Variants in ZNF501 observed in about 807,000 individuals in gnomAD.
The protein encoded by ZNF501 is zinc finger protein 52.
A neutral mutation model predicts 5.7 loss-of-function variants in ZNF501; 7 were observed. That is an observed-to-expected ratio of 1.24 (90% confidence interval 0.70 to 2.32). The LOEUF is 2.32. ZNF501 is among the 30% of genes most tolerant of loss of function. ZNF501 has a pLI of 0.00. For synonymous variants in ZNF501, 107 were observed against 101.9 expected (o/e 1.05, Z -0.30); for missense variants, 352 against 321.1 (o/e 1.10, Z -0.73).
At chr3:44,732,420 G>T (rs574727606) in intron 2 of ZNF501, among the ~76,000 whole-genome samples, 8 of 152,326 alleles carry the variant, frequency 5.3e-5, no homozygotes, top group African/African-American at 1.9e-4. Context: ...ACATCTGGTT[G>T]CTTAAACCAA....
In ZNF501 at chr3:44,734,890, T is replaced by G. The variant is rs776992185; in HGVS notation, c.469T>G (p.Ser157Ala). 1 of 1,613,844 alleles carries G rather than the reference T, an allele frequency of 6.2e-7. No homozygotes were observed. Among genetic ancestry groups the G allele is most frequent in the Non-Finnish European group, 8.5e-7 (1 of 1,179,982 alleles). ...ICLTRHQRSH[S>A]GDKPFKCNEC... ...CCTTACTCGTCATCAGAGAAGTCATTCTGGAGATAAACCTTTTAAGTGTAA... is the reference window on the plus strand; with the variant it reads ...CCTTACTCGTCATCAGAGAAGTCATGCTGGAGATAAACCTTTTAAGTGTAA... Residue 157 changes from serine to alanine, a missense_variant, in exon 3 of 3, where the codon TCT becomes GCT. Ser to Ala is a moderately conservative substitution (Grantham distance 99). Transcript: ENST00000620116.
At position 44,734,505 on chromosome 3, in the gene ZNF501, G is replaced by C. The variant is rs72874044; in HGVS notation, c.84G>C (p.Gly28=). ...AACCTTCAAAGTGTAGTGAATGTGG[G>C]AAGTTCTTTACTCAGAGATCATCTC... ...QKKPSKCSEC[G]KFFTQRSSLT... Residue 28 remains glycine (G), a synonymous_variant, in exon 3 of 3, where the codon GGG becomes GGC. Coordinates refer to ENST00000620116, the MANE Select transcript of ZNF501 (RefSeq NM_001258280.2). 13 of 1,614,066 alleles carry C rather than the reference G, an allele frequency of 8.1e-6. No homozygotes were observed. The highest frequency in any genetic ancestry group is 1.0e-5 in the Non-Finnish European group (12 of 1,180,024).
At position 44,734,788 on chromosome 3, in the gene ZNF501, A is replaced by C; in HGVS notation, c.367A>C (p.Lys123Gln). 6.2e-7 allele frequency: 1 copy of C among 1,613,984 alleles called. No homozygotes were observed. Among genetic ancestry groups the C allele is most frequent in the Admixed American group, 1.7e-5 (1 of 60,008 alleles). ...CTTTTGTCAGAGCCCATCCCTTATTAAACACCAGCGAATTCATACTGGAGA... is the reference window on the plus strand; with the variant it reads ...CTTTTGTCAGAGCCCATCCCTTATTCAACACCAGCGAATTCATACTGGAGA... ...KAFCQSPSLI[K>Q]HQRIHTGEKP... Residue 123 changes from lysine (K) to glutamine (Q), a missense_variant, in exon 3 of 3, where the codon AAA (lysine) becomes CAA (glutamine). Coordinates refer to ENST00000620116, the MANE Select transcript of ZNF501 (RefSeq NM_001258280.2).
In ZNF501 at chr3:44,734,653, T is replaced by C. The variant is rs375343793; in HGVS notation, c.232T>C (p.Tyr78His). 207 of 1,614,036 alleles carry C rather than the reference T, an allele frequency of 1.3e-4. No individual in the cohort carries two copies. The highest frequency in any genetic ancestry group is 1.6e-4 in the Non-Finnish European group (187 of 1,180,024). The change falls in exon 3 of 3, where the codon TAT (tyrosine) becomes CAT (histidine). Residue 78 changes from tyrosine to histidine, a missense_variant. By Grantham distance (83) the Tyr-to-His change is moderately conservative. Coordinates refer to ENST00000620116, the MANE Select transcript of ZNF501 (RefSeq NM_001258280.2). ...HLRIHTGEKPYKCNECEKAFQ... is the reference protein window; with the variant it reads ...HLRIHTGEKPHKCNECEKAFQ... ...GAGAATTCATACCGGAGAGAAACCT[T>C]ATAAATGTAATGAATGTGAGAAAGC...
At chr3:44,730,942 A>G (rs1174572085) in intron 1 of ZNF501, among the ~76,000 whole-genome samples, 1 of 152,248 alleles carries the variant, frequency 6.6e-6, no homozygotes, top group East Asian at 1.9e-4. Flanking sequence ...ATCTGTATAT[A>G]GAATCAAAGC....
rs1320271709 is a variant in ZNF501, at chr3:44,735,445, T to C, written c.*208T>C. 2.4e-6 allele frequency: 1 copy of C among 420,396 alleles called. No homozygotes were observed. Among genetic ancestry groups the C allele is most frequent in the African/African-American group, 2.0e-5 (1 of 49,780 alleles). 26.0% of individuals were successfully genotyped at this position (420,396 alleles called of 1,614,324 possible). ...TAACCTTATCCCTTCTGAGCCTCAG[T>C]TTCCCCATTCCCCCCAATAGAAAAA... On this transcript the variant is annotated 3_prime_UTR_variant, in exon 3 of 3. Coordinates refer to ENST00000620116, the MANE Select transcript of ZNF501 (RefSeq NM_001258280.2).
At chr3:44,730,537 C>T (rs903825112) in intron 1 of ZNF501, among the ~76,000 whole-genome samples, 5 of 152,190 alleles carry the variant, frequency 3.3e-5, no homozygotes, top group African/African-American at 1.2e-4. Context: ...ATAAAAGAGA[C>T]GTTTGAAAAT....
intron 2 of ZNF501, among the ~76,000 whole-genome samples, chr3:44,732,512 C>G (rs1162021250): frequency 6.6e-6 from 1 of 152,190 alleles, no homozygotes; most frequent in Non-Finnish European, 1.5e-5. Flanking sequence ...AGATAGTCCA[C>G]ATATTTAACA....
In ZNF501 at chr3:44,735,161, A is replaced by G. The variant is rs1423267924; in HGVS notation, c.740A>G (p.Glu247Gly). Reference protein sequence around the residue: ...YRIHTGEKPYECVGCGKSFRH... With the variant: ...YRIHTGEKPYGCVGCGKSFRH... ...ATTCATACTGGAGAAAAACCTTATGAGTGTGTTGGATGTGGGAAATCCTTT... is the reference window on the plus strand; with the variant it reads ...ATTCATACTGGAGAAAAACCTTATGGGTGTGTTGGATGTGGGAAATCCTTT... Residue 247 changes from glutamate to glycine, a missense_variant, in exon 3 of 3, where the codon GAG becomes GGG. Coordinates refer to ENST00000620116, the MANE Select transcript of ZNF501 (RefSeq NM_001258280.2). 1 of 1,613,242 alleles carries G rather than the reference A, an allele frequency of 6.2e-7. No individual in the cohort carries two copies. The highest frequency in any genetic ancestry group is 1.3e-5 in the African/African-American group (1 of 74,902).
rs1704671793 is a variant in ZNF501 at position 44,734,943 on chromosome 3, T to C, written c.522T>C (p.Ser174=). The part of the protein sequence containing the change: ...CNECGKAFNQ[S]ACLMQHQRIH... ...AATGTGGGAAAGCCTTTAATCAGAG[T>C]GCATGTCTCATGCAGCATCAGAGAA... The change falls in exon 3 of 3, where the codon AGT becomes AGC. Residue 174 remains serine, a synonymous_variant. Coordinates refer to ENST00000620116, the MANE Select transcript of ZNF501 (RefSeq NM_001258280.2). 1.2e-6 allele frequency: 2 copies of C among 1,613,938 alleles called. No individual in the cohort carries two copies. The highest frequency in any genetic ancestry group is 4.5e-5 in the East Asian group (2 of 44,858).
intron 2 of ZNF501, chr3:44,732,386 A>G (rs1704627930): frequency 6.6e-6 from 1 of 152,222 alleles, no homozygotes; most frequent in African/African-American, 2.4e-5. Flanking sequence ...AAGGAATTAA[A>G]AATGTGCTTA....
Position 44,735,234 on chromosome 3 carries a change from G to T in ZNF501, c.813G>T (p.Glu271Asp), listed in dbSNP as rs201277677. 3 of 1,541,754 alleles carry T rather than the reference G, an allele frequency of 1.9e-6. No homozygotes were observed. The East Asian group carries it at 6.8e-5, about 35-fold the overall frequency. Residue 271 changes from glutamate to aspartate, a missense_variant, in exon 3 of 3, where the codon GAG (glutamate) becomes GAT (aspartate). Transcript: ENST00000620116. ...GACATCAGAGGCTTCATGCTGGAGA[G>T]TAAAATTTGGAATATAATGAGTATG... Reference protein sequence around the residue: ...LLRHQRLHAGE With the variant: ...LLRHQRLHAGD
intron 2 of ZNF501, among the ~76,000 whole-genome samples, chr3:44,733,746 G>T (rs1194153655): frequency 6.6e-6 from 1 of 152,182 alleles, no homozygotes; most frequent in African/African-American, 2.4e-5. Context: ...TAGGTTTCCA[G>T]TTGGGCCTAG....
chr3:44,734,732 A>C lies in ZNF501; in HGVS notation c.311A>C (p.Lys104Thr). 1 of 1,614,148 alleles carries C rather than the reference A, an allele frequency of 6.2e-7. No individual in the cohort carries two copies. Among genetic ancestry groups the C allele is most frequent in the East Asian group, 2.2e-5 (1 of 44,876 alleles). The part of the protein sequence containing the change: ...VQHLRIHTGE[K>T]PYKCNECGKA... Reference sequence around the variant, plus strand: ...CATCTGAGAATTCATACTGGAGAGAAACCCTATAAATGCAATGAATGTGGA... The same window carrying C: ...CATCTGAGAATTCATACTGGAGAGACACCCTATAAATGCAATGAATGTGGA... The change falls in exon 3 of 3, where the codon AAA becomes ACA. Residue 104 changes from lysine to threonine, a missense_variant. By Grantham distance (78) the Lys-to-Thr change is moderately conservative. Transcript: ENST00000620116.
At chr3:44,732,770 G>A (rs752309891) in intron 2 of ZNF501, among the ~76,000 whole-genome samples, 4 of 152,084 alleles carry the variant, frequency 2.6e-5, no homozygotes, top group Non-Finnish European at 4.4e-5. Flanking sequence ...AAGGAATGAA[G>A]GAAGATACTT....
intron 2 of ZNF501, among the ~76,000 whole-genome samples, chr3:44,733,935 G>T (rs1400644109): frequency 2.0e-5 from 3 of 152,162 alleles, no homozygotes; most frequent in African/African-American, 7.2e-5. Flanking sequence ...CATGATTATA[G>T]GTAACCTAAA....
chr3:44,735,024 G>T lies in ZNF501; in HGVS notation c.603G>T (p.Gln201His), dbSNP rs1704673511. 1 of 1,614,174 alleles carries T rather than the reference G, an allele frequency of 6.2e-7. No individual in the cohort carries two copies. Among genetic ancestry groups the T allele is most frequent in the African/African-American group, 1.3e-5 (1 of 75,052 alleles). The change falls in exon 3 of 3, where the codon CAG becomes CAT. Residue 201 changes from glutamine to histidine, a missense_variant. Coordinates refer to ENST00000620116, the MANE Select transcript of ZNF501 (RefSeq NM_001258280.2). ...CTGAATGTGGTAAAGCCTTCACTCA[G>T]AACTCTTCCCTTGTTGAACATGAAA... ...TCTECGKAFT[Q>H]NSSLVEHERT...
chr3:44,733,693 TCTTA>T (rs1704649701), intron 2 of ZNF501, among the ~76,000 whole-genome samples: 1 of 152,232 alleles, frequency 6.6e-6, no homozygotes, highest in Non-Finnish European at 1.5e-5. Flanking sequence ...AACAGTGATA[TCTTA>T]CTTTCTTTCA....
rs760387064 is a variant in ZNF501, at chr3:44,735,149, A to G, written c.728A>G (p.Glu243Gly). The change falls in exon 3 of 3, where the codon GAA (glutamate) becomes GGA (glycine). Residue 243 changes from glutamate (E) to glycine (G), a missense_variant. Glu to Gly is a moderately conservative substitution (Grantham distance 98, BLOSUM62 -2). Coordinates refer to ENST00000620116, the MANE Select transcript of ZNF501 (RefSeq NM_001258280.2). The stretch of plus-strand genomic sequence containing the variant: ...GAGCATTACAGAATTCATACTGGAG[A>G]AAAACCTTATGAGTGTGTTGGATGT... ...LSEHYRIHTG[E>G]KPYECVGCGK... 1 of 1,614,002 alleles carries G rather than the reference A, an allele frequency of 6.2e-7. No individual in the cohort carries two copies. Among genetic ancestry groups the G allele is most frequent in the South Asian group, 1.1e-5 (1 of 91,064 alleles).
Sources: allele counts gnomAD v4.1 joint callset (sites outside exome capture counted in the v4.1 genomes callset), GRCh38; gene constraint gnomAD v4.1.1; transcripts MANE v1.5; gene names NCBI Gene and HGNC (gene_info 2026-07-23, HGNC 2026-07-21).